Variants in ARHGAP17 observed in about 807,000 individuals in gnomAD.
The protein encoded by ARHGAP17 is Rho GTPase activating protein 17, also known as rho GTPase-activating protein 17.
A neutral mutation model predicts 99.5 loss-of-function variants in ARHGAP17; 57 were observed. That is an observed-to-expected ratio of 0.57 (90% confidence interval 0.46 to 0.71). The LOEUF is 0.71. Among genes scored for constraint, ARHGAP17 ranks in the 30% least tolerant of loss-of-function variants. ARHGAP17 has a pLI of 0.00. For synonymous variants in ARHGAP17, 417 were observed against 429.6 expected (o/e 0.97, Z 0.36); for missense variants, 1,000 against 1,122.4 (o/e 0.89, Z 1.56).
intron 5 of ARHGAP17, 79 bp from the exon 6 acceptor site, chr16:24,968,506 T>G: frequency 6.4e-7 from 1 of 1,572,938 alleles, no homozygotes; most frequent in Non-Finnish European, 8.7e-7. Flanking sequence ...CAAACGTTTT[T>G]TCTCTAAGGC....
chr16:25,008,325 T>C (rs2053559132), intron 1 of ARHGAP17, among the ~76,000 whole-genome samples: 1 of 152,236 alleles, frequency 6.6e-6, no homozygotes, highest in Admixed American at 6.5e-5. Flanking sequence ...TGTTTGATTA[T>C]GGGATTTTGT....
chr16:24,935,896 T>G (rs1054622962), intron 17 of ARHGAP17: 2 of 468,398 alleles, frequency 4.3e-6, no homozygotes, highest in Non-Finnish European at 7.8e-6. Flanking sequence ...GGTCTCAAAT[T>G]TCTGGACTCA....
At chr16:24,962,688 G>A (rs1036840637) in intron 7 of ARHGAP17, among the ~76,000 whole-genome samples, 3 of 152,072 alleles carry the variant, frequency 2.0e-5, no homozygotes, top group African/African-American at 7.2e-5. Context: ...TCCACCACAA[G>A]CAGACACCTA....
Position 24,970,537 on chromosome 16 carries a change from G to C in ARHGAP17, c.242C>G (p.Ala81Gly). 6.2e-7 allele frequency: 1 copy of C among 1,614,210 alleles called. No homozygotes were observed. Among genetic ancestry groups the C allele is most frequent in the Non-Finnish European group, 8.5e-7 (1 of 1,180,026 alleles). ...LTALAQNMQE[A>G]STQLEDSLLG... ...GAGAGAGTCTTCCAGCTGAGTCGAT[G>C]CTTCTTGCATATTTTGAGCAAGAGC... is the stretch of plus-strand genomic sequence containing the variant. Residue 81 changes from alanine (A) to glycine (G), a missense_variant, in exon 4 of 20, where the codon GCA (alanine) becomes GGA (glycine). Ala to Gly is a moderately conservative substitution (Grantham distance 60). Transcript: ENST00000289968.
In ARHGAP17 at chr16:24,955,010, A is replaced by G. The variant is rs1567228215; in HGVS notation, c.725-280T>C. On this transcript the variant is annotated intron_variant, in intron 9 of 19. Transcript: ENST00000289968. The surrounding 1 kb of genome is among the most constrained non-coding windows in gnomAD (Gnocchi z 4.0). The stretch of plus-strand genomic sequence containing the variant: ...TGCAGTGGCACGCTGCACCTGCACC[A>G]CACTTCATCAACACACGCCAGCGGG... The G allele has an allele frequency of 2.1e-5, 8 of 382,044 alleles. No homozygotes were observed. Among genetic ancestry groups the G allele is most frequent in the Non-Finnish European group, 3.8e-5 (8 of 212,422 alleles). The allele number at this position is 382,044 out of a possible 1,614,324, so 23.7% of individuals were successfully genotyped here.
chr16:24,920,985 T>C (rs766520508), intron 19 of ARHGAP17: 1 of 152,278 alleles, frequency 6.6e-6, no homozygotes, highest in East Asian at 1.9e-4. Flanking sequence ...TCATGTCTTA[T>C]TATGTTGGCT....
chr16:24,933,399 T>C (rs906496692), intron 18 of ARHGAP17, among the ~76,000 whole-genome samples: 2 of 151,776 alleles, frequency 1.3e-5, no homozygotes, highest in Non-Finnish European at 2.9e-5. Flanking sequence ...GGAGGATCAC[T>C]TGAGTCCAGT....
At chr16:24,952,655 TG>T (rs1422321783) in intron 11 of ARHGAP17, among the ~76,000 whole-genome samples, 1 of 152,172 alleles carries the variant, frequency 6.6e-6, no homozygotes, top group Non-Finnish European at 1.5e-5. Flanking sequence ...GGGGGGAGAC[TG>T]TGAAAGATGG....
intron 1 of ARHGAP17, among the ~76,000 whole-genome samples, chr16:24,986,202 C>T (rs770888196): frequency 3.3e-5 from 5 of 152,208 alleles, no homozygotes; most frequent in Non-Finnish European, 7.3e-5. Context: ...CTGGCACTTA[C>T]ATCTACTCTA....
chr16:24,949,378 A>T lies in ARHGAP17; in HGVS notation c.1127+26T>A, dbSNP rs1346925321. On this transcript the variant is annotated intron_variant, in intron 13 of 19. Coordinates refer to ENST00000289968, the MANE Select transcript of ARHGAP17 (RefSeq NM_001006634.3). The stretch of plus-strand genomic sequence containing the variant: ...GGCATTAAACTTATCTTCACTCCAG[A>T]GTCATTGTAGCTCAATCATACATAC... 1.5e-5 allele frequency: 24 copies of T among 1,588,386 alleles called. No homozygotes were observed. The Admixed American group carries it at 4.1e-4, about 27-fold the overall frequency.
At chr16:24,998,222 G>C (rs1384903615) in intron 1 of ARHGAP17, among the ~76,000 whole-genome samples, 1 of 152,000 alleles carries the variant, frequency 6.6e-6, no homozygotes, top group East Asian at 1.9e-4. Flanking sequence ...CCAAGACGCA[G>C]AGCGTGGATG....
intron 1 of ARHGAP17, among the ~76,000 whole-genome samples, chr16:24,987,605 C>A (rs1351007018): frequency 1.3e-5 from 2 of 152,138 alleles, no homozygotes; most frequent in Non-Finnish European, 2.9e-5. Flanking sequence ...CATCTTTCTA[C>A]CACCAAGAGC....
chr16:24,942,945 T>G (rs2051358603), intron 15 of ARHGAP17, among the ~76,000 whole-genome samples: 1 of 152,114 alleles, frequency 6.6e-6, no homozygotes, highest in Non-Finnish European at 1.5e-5. Flanking sequence ...CCTATATGAA[T>G]GAGGCGTGAT....
intron 3 of ARHGAP17, among the ~76,000 whole-genome samples, chr16:24,975,494 G>A: frequency 6.6e-6 from 1 of 152,106 alleles, no homozygotes; most frequent in Admixed American, 6.5e-5. Flanking sequence ...CAGTAGGCTG[G>A]GTCTGGTTCC....
chr16:24,927,726 C>T (rs1303825133), intron 19 of ARHGAP17: 1 of 1,201,736 alleles, frequency 8.3e-7, no homozygotes, highest in African/African-American at 1.6e-5. Context: ...TATGGCAGGT[C>T]ATACATCTAA....
At chr16:24,949,609 T>C in intron 12 of ARHGAP17, 125 bp from the exon 13 acceptor site, 2 of 741,604 alleles carry the variant, frequency 2.7e-6, no homozygotes, top group Non-Finnish European at 2.2e-6. Flanking sequence ...GCCCATGCTA[T>C]GGAAATAAAC....
intron 1 of ARHGAP17, among the ~76,000 whole-genome samples, chr16:25,000,262 G>A (rs1218386747): frequency 6.6e-6 from 1 of 152,194 alleles, no homozygotes; most frequent in Non-Finnish European, 1.5e-5. Flanking sequence ...CAAATCCCAT[G>A]ACAGAACACA....
At chr16:24,949,558 TGAG>T in intron 12 of ARHGAP17, 74 bp from the exon 13 acceptor site, 2 of 1,288,796 alleles carry the variant, frequency 1.6e-6, no homozygotes, top group Non-Finnish European at 2.2e-6. Context: ...ATGTTAAAAA[TGAG>T]GCCTCCATTT....
intron 7 of ARHGAP17, among the ~76,000 whole-genome samples, chr16:24,961,946 G>A (rs1241273375): frequency 1.1e-4 from 13 of 121,046 alleles, no homozygotes; most frequent in African/African-American, 8.3e-5. Flanking sequence ...CTTATATGCC[G>A]GAAAATATAT....
Sources: gnomAD v4.1 joint callset for allele counts (sites outside exome capture counted in the v4.1 genomes callset) on GRCh38, gnomAD v4.1.1 for gene constraint, Gnocchi (gnomAD v3.1) non-coding constraint, MANE v1.5 for transcripts, NCBI Gene and HGNC (gene_info 2026-07-23, HGNC 2026-07-21) for gene names.